Variants in GPC5 observed in about 807,000 individuals in gnomAD.
GPC5 encodes the protein glypican 5.
In GPC5, 47 loss-of-function variants were observed where a neutral mutation model predicts 53.9. The ratio of observed to expected loss-of-function variants is 0.87; its 90% CI spans 0.69 to 1.11. The LOEUF (loss-of-function observed/expected upper bound fraction) is 1.11, where lower values mean the gene tolerates loss of function less well. Among genes scored for constraint, GPC5 ranks in the 50% most tolerant of loss-of-function variants. The pLI is 0.00. For missense variants in GPC5, 748 were observed against 713.1 expected (o/e 1.05, Z -0.56); for synonymous variants, 286 against 263.3 (o/e 1.09, Z -0.84).
chr13:92,729,309 T>G (rs1274119512), intron 7 of GPC5, among the ~76,000 whole-genome samples: 1 of 151,376 alleles, frequency 6.6e-6, no homozygotes, highest in African/African-American at 2.4e-5. Context: ...TCCACGCTAT[T>G]CAATGTGGTA....
intron 1 of GPC5, 56 bp from the exon 2 acceptor site, chr13:91,448,705 A>G (rs1880968918): frequency 6.4e-7 from 1 of 1,569,510 alleles, no homozygotes; most frequent in Admixed American, 1.8e-5. Context: ...GATATATAAT[A>G]TGTAATACTT....
chr13:92,679,919 G>T (rs557042403), intron 7 of GPC5, among the ~76,000 whole-genome samples: 3 of 123,744 alleles, frequency 2.4e-5, no homozygotes, highest in Non-Finnish European at 4.7e-5. Flanking sequence ...TTTCAAGAGC[G>T]GAACACTTTA....
At chr13:92,681,517 C>T (rs749577384) in intron 7 of GPC5, among the ~76,000 whole-genome samples, 4 of 152,112 alleles carry the variant, frequency 2.6e-5, no homozygotes, top group Middle Eastern at 3.2e-3. Flanking sequence ...AGCCTCTACA[C>T]GACTATCAGG....
At chr13:92,808,189 A>C (rs1420344040) in intron 7 of GPC5, among the ~76,000 whole-genome samples, 1 of 152,048 alleles carries the variant, frequency 6.6e-6, no homozygotes, top group Non-Finnish European at 1.5e-5. Flanking sequence ...TTTTATTATA[A>C]ACATCCGAAT....
intron 6 of GPC5, among the ~76,000 whole-genome samples, chr13:92,066,831 A>AT (rs2041171307): frequency 1.3e-5 from 2 of 151,992 alleles, no homozygotes; most frequent in Non-Finnish European, 2.9e-5. Context: ...CTGTATACAG[A>AT]TTTTTTTTCT....
intron 2 of GPC5, among the ~76,000 whole-genome samples, chr13:91,679,108 T>A (rs2035449245): frequency 6.6e-6 from 1 of 152,058 alleles, no homozygotes; most frequent in Admixed American, 6.5e-5. Flanking sequence ...TAATCCAAAG[T>A]GGATAAGAGA....
chr13:91,775,370 C>G (rs1295180311), intron 5 of GPC5, among the ~76,000 whole-genome samples: 1 of 152,076 alleles, frequency 6.6e-6, no homozygotes. Flanking sequence ...TCATTTTTCC[C>G]CCCTCTGGGT....
At chr13:92,570,167 C>G (rs1282673112) in intron 7 of GPC5, among the ~76,000 whole-genome samples, 1 of 152,096 alleles carries the variant, frequency 6.6e-6, no homozygotes, top group African/African-American at 2.4e-5. Flanking sequence ...AAATCAGAGT[C>G]AGCTGTAAAA....
chr13:92,201,842 T>G (rs546091817), intron 7 of GPC5, among the ~76,000 whole-genome samples: 1 of 152,332 alleles, frequency 6.6e-6, no homozygotes, highest in South Asian at 2.1e-4. Context: ...ATAATACATC[T>G]GACAATTGAT....
intron 1 of GPC5, among the ~76,000 whole-genome samples, chr13:91,434,437 A>G (rs1164984418): frequency 6.6e-6 from 1 of 152,122 alleles, no homozygotes; most frequent in African/African-American, 2.4e-5. Flanking sequence ...CAGTTTTCCC[A>G]GCACCATTTA....
chr13:91,746,033 C>T (rs777623464), intron 4 of GPC5, among the ~76,000 whole-genome samples: 103 of 152,238 alleles, frequency 6.8e-4, no homozygotes, highest in Non-Finnish European at 2.2e-4. Flanking sequence ...GTGAGAATAA[C>T]GTTAAATGAT....
At chr13:92,748,396 T>C (rs1889294590) in intron 7 of GPC5, among the ~76,000 whole-genome samples, 1 of 151,142 alleles carries the variant, frequency 6.6e-6, no homozygotes, top group South Asian at 2.1e-4. Context: ...TGCAGTGGCA[T>C]GATCTCGGCT....
chr13:91,976,898 G>A (rs1029046495), intron 6 of GPC5, among the ~76,000 whole-genome samples: 1 of 151,978 alleles, frequency 6.6e-6, no homozygotes, highest in Non-Finnish European at 1.5e-5. Context: ...AAATTAGCTC[G>A]CATGGTGGCA....
At chr13:92,583,747 T>C (rs1293975457) in intron 7 of GPC5, among the ~76,000 whole-genome samples, 1 of 152,204 alleles carries the variant, frequency 6.6e-6, no homozygotes, top group East Asian at 1.9e-4. Flanking sequence ...TGATATGGTT[T>C]GGCTGTGTCC....
chr13:92,251,673 A>G (rs373112549), intron 7 of GPC5, among the ~76,000 whole-genome samples: 1 of 152,130 alleles, frequency 6.6e-6, no homozygotes, highest in Non-Finnish European at 1.5e-5. Context: ...TAGCACATAC[A>G]AGACCCTGAA....
intron 7 of GPC5, among the ~76,000 whole-genome samples, chr13:92,218,722 G>A (rs969954252): frequency 5.9e-5 from 9 of 152,070 alleles, no homozygotes; most frequent in African/African-American, 1.7e-4. Context: ...CAGCTTTCCC[G>A]AAATTGTAGA....
At chr13:91,425,192 G>C (rs559731405) in intron 1 of GPC5, among the ~76,000 whole-genome samples, 2 of 152,300 alleles carry the variant, frequency 1.3e-5, no homozygotes, top group Admixed American at 6.5e-5. Context: ...TATAATAGCA[G>C]AACTTTTCTC....
intron 7 of GPC5, among the ~76,000 whole-genome samples, chr13:92,618,878 G>T (rs1004364878): frequency 1.3e-4 from 19 of 151,696 alleles, no homozygotes; most frequent in African/African-American, 4.4e-4. Flanking sequence ...TATCTATTAT[G>T]GTATTAAGAC....
At chr13:92,703,102 C>A (rs1159626171) in intron 7 of GPC5, among the ~76,000 whole-genome samples, 1 of 149,642 alleles carries the variant, frequency 6.7e-6, no homozygotes, top group Non-Finnish European at 1.5e-5. Flanking sequence ...GTAGCACTTA[C>A]CACCTTCGAA....
Sources: gnomAD v4.1 joint callset for allele counts (sites outside exome capture counted in the v4.1 genomes callset) on GRCh38, gnomAD v4.1.1 for gene constraint, MANE v1.5 for transcripts, NCBI Gene and HGNC (gene_info 2026-07-23, HGNC 2026-07-21) for gene names.